The following NRG3 variants were observed in gnomAD, a reference collection of about 807,000 sequenced individuals.
The protein encoded by NRG3 is pro-neuregulin-3, membrane-bound isoform.
NRG3 carries 31 observed loss-of-function variants against 66.9 expected under a neutral mutation model. The ratio of observed to expected loss-of-function variants is 0.46; its 90% CI spans 0.35 to 0.63. The LOEUF (loss-of-function observed/expected upper bound fraction) is 0.63. NRG3 is among the 20% of genes least tolerant of loss of function. NRG3 has a pLI of 0.00. For synonymous variants in NRG3, 393 were observed against 359.4 expected (o/e 1.09, Z -1.06); for missense variants, 910 against 878.9 (o/e 1.04, Z -0.45).
intron 1 of NRG3, among the ~76,000 whole-genome samples, chr10:82,062,126 T>A (rs1406120458): frequency 6.6e-6 from 1 of 151,986 alleles, no homozygotes; most frequent in Non-Finnish European, 1.5e-5. Flanking sequence ...CTGGGGGTGA[T>A]CCAAGCAGCC....
At chr10:82,513,177 G>A (rs1251221491) in intron 2 of NRG3, among the ~76,000 whole-genome samples, 2 of 152,108 alleles carry the variant, frequency 1.3e-5, no homozygotes, top group African/African-American at 4.8e-5. Context: ...TCATTGTTCA[G>A]CTCTCACTTG....
intron 2 of NRG3, among the ~76,000 whole-genome samples, chr10:82,648,860 C>T (rs542754456): frequency 6.6e-5 from 10 of 152,134 alleles, no homozygotes; most frequent in Admixed American, 2.0e-4. Context: ...TGATTTTGTA[C>T]CCTGAGACTT....
intron 4 of NRG3, among the ~76,000 whole-genome samples, chr10:82,912,445 T>C (rs1023317972): frequency 7.2e-5 from 11 of 152,196 alleles, no homozygotes; most frequent in African/African-American, 2.7e-4. Flanking sequence ...TGACGTCTTC[T>C]GTCTTCTTTA....
intron 2 of NRG3, among the ~76,000 whole-genome samples, chr10:82,420,520 C>G (rs957663244): frequency 3.9e-5 from 6 of 152,060 alleles, no homozygotes; most frequent in African/African-American, 1.4e-4. Flanking sequence ...TGTAAACTAC[C>G]TAAGAAGTAT....
At chr10:82,524,063 C>T (rs1846452359) in intron 2 of NRG3, among the ~76,000 whole-genome samples, 1 of 152,016 alleles carries the variant, frequency 6.6e-6, no homozygotes, top group South Asian at 2.1e-4. Context: ...CACAATTACC[C>T]TGGAACATCT....
chr10:82,228,028 G>C (rs1173340030), intron 1 of NRG3, among the ~76,000 whole-genome samples: 1 of 152,142 alleles, frequency 6.6e-6, no homozygotes, highest in East Asian at 1.9e-4. Context: ...GATGGTCCCT[G>C]ATGTTTCAGA....
intron 2 of NRG3, among the ~76,000 whole-genome samples, chr10:82,545,614 C>T (rs1482821452): frequency 6.6e-6 from 1 of 151,888 alleles, no homozygotes; most frequent in Non-Finnish European, 1.5e-5. Flanking sequence ...ATCTCCTGAC[C>T]TCGTGATCCG....
chr10:81,917,444 A>T (rs1194760341), intron 1 of NRG3, among the ~76,000 whole-genome samples: 3 of 152,220 alleles, frequency 2.0e-5, no homozygotes, highest in African/African-American at 7.2e-5. Context: ...GAACTAAATG[A>T]CTAGATGGAT....
intron 1 of NRG3, among the ~76,000 whole-genome samples, chr10:82,108,011 G>A (rs2067172138): frequency 1.3e-5 from 2 of 152,288 alleles, no homozygotes; most frequent in African/African-American, 2.4e-5. Context: ...GTCTACTTTG[G>A]CAATTTGCTC....
chr10:82,513,050 G>C, intron 2 of NRG3, among the ~76,000 whole-genome samples: 1 of 152,074 alleles, frequency 6.6e-6, no homozygotes, highest in East Asian at 1.9e-4. Context: ...CCTATCAACC[G>C]GTCACCTAGA....
At chr10:82,209,803 C>T (rs1456326775) in intron 1 of NRG3, among the ~76,000 whole-genome samples, 1 of 152,090 alleles carries the variant, frequency 6.6e-6, no homozygotes, top group East Asian at 1.9e-4. Flanking sequence ...TATCTAAAAA[C>T]CTTTCAGTTT....
chr10:82,670,659 C>T (rs2053195967), intron 2 of NRG3, among the ~76,000 whole-genome samples: 1 of 152,046 alleles, frequency 6.6e-6, no homozygotes, highest in Non-Finnish European at 1.5e-5. Context: ...ATCTTCAGGA[C>T]TCACAAAACA....
intron 1 of NRG3, among the ~76,000 whole-genome samples, chr10:82,191,931 G>C (rs1245409078): frequency 1.3e-5 from 2 of 152,080 alleles, no homozygotes; most frequent in African/African-American, 4.8e-5. Flanking sequence ...GAGGGTTCTT[G>C]CCAGTTCGAT....
intron 1 of NRG3, among the ~76,000 whole-genome samples, chr10:82,245,978 G>GTTTTTTTTTTTTTTTTTTT (rs372596396): frequency 8.7e-5 from 9 of 103,298 alleles, no homozygotes; most frequent in Non-Finnish European, 1.1e-4. Context: ...CAGTCTTCTG[G>GTTTTTTTTTTTTTTTTTTT]TTTTTTTTTT....
intron 1 of NRG3, among the ~76,000 whole-genome samples, chr10:82,331,764 A>G (rs192100962): frequency 1.3e-5 from 2 of 152,208 alleles, no homozygotes; most frequent in Non-Finnish European, 2.9e-5. Flanking sequence ...ATGGTTTTAC[A>G]TCAAGGGGAA....
chr10:81,881,589 T>A (rs1329055702), intron 1 of NRG3, among the ~76,000 whole-genome samples: 1 of 152,208 alleles, frequency 6.6e-6, no homozygotes, highest in Admixed American at 6.5e-5. Flanking sequence ...ATATGTCACA[T>A]GTTTCAAATG....
chr10:81,957,539 T>C (rs957419102), intron 1 of NRG3, among the ~76,000 whole-genome samples: 9 of 152,356 alleles, frequency 5.9e-5, no homozygotes, highest in South Asian at 4.1e-4. Context: ...TTATGTATTT[T>C]ATTTTACTTC....
intron 2 of NRG3, among the ~76,000 whole-genome samples, chr10:82,552,844 C>G (rs912719329): frequency 1.3e-5 from 2 of 152,076 alleles, no homozygotes; most frequent in African/African-American, 2.4e-5. Flanking sequence ...GTATATGTGC[C>G]TCATAAGAGA....
intron 2 of NRG3, among the ~76,000 whole-genome samples, chr10:82,684,907 T>G (rs2054392563): frequency 6.6e-6 from 1 of 152,296 alleles, no homozygotes; most frequent in Non-Finnish European, 1.5e-5. Context: ...GGGCAGATTC[T>G]GAAGAACCTT....
Sources: allele counts gnomAD v4.1 joint callset (sites outside exome capture counted in the v4.1 genomes callset), GRCh38; gene constraint gnomAD v4.1.1; transcripts MANE v1.5; gene names NCBI Gene and HGNC (gene_info 2026-07-23, HGNC 2026-07-21).